Variants in GRIN2B observed in about 807,000 individuals in gnomAD.
GRIN2B encodes the protein glutamate receptor ionotropic, NMDA 2B.
In GRIN2B, 5 loss-of-function variants were observed where a neutral mutation model predicts 114.5. The ratio of observed to expected loss-of-function variants is 0.04; its 90% CI spans 0.02 to 0.09. The LOEUF (loss-of-function observed/expected upper bound fraction) is 0.09. Ranked by LOEUF, GRIN2B falls within the 10% of genes least tolerant of loss-of-function variation. GRIN2B has a pLI of 1.00. For missense variants in GRIN2B, 1,108 were observed against 1,943.5 expected (o/e 0.57, Z 8.08); for synonymous variants, 787 against 745.1 (o/e 1.06, Z -0.92).
intron 3 of GRIN2B, among the ~76,000 whole-genome samples, chr12:13,810,882 G>T (rs989329562): frequency 2.0e-5 from 3 of 152,326 alleles, no homozygotes; most frequent in Middle Eastern, 3.4e-3. Flanking sequence ...CAGAAAACCT[G>T]TCTTCTTCTC....
At chr12:13,811,317 G>GT (rs572186357) in intron 3 of GRIN2B, among the ~76,000 whole-genome samples, 33 of 152,090 alleles carry the variant, frequency 2.2e-4, no homozygotes, top group South Asian at 6.2e-4. Flanking sequence ...CCAGGTTTTG[G>GT]TTTTTTTTGG....
At chr12:13,710,484 C>T (rs1210997102) in intron 4 of GRIN2B, among the ~76,000 whole-genome samples, 8 of 152,040 alleles carry the variant, frequency 5.3e-5, no homozygotes, top group Non-Finnish European at 1.0e-4. Context: ...AAAACCCCAT[C>T]GTCTCAGCCC....
At chr12:13,891,461 C>A (rs541844612) in intron 2 of GRIN2B, among the ~76,000 whole-genome samples, 1 of 152,268 alleles carries the variant, frequency 6.6e-6, no homozygotes, top group East Asian at 1.9e-4. Context: ...TAGTGCATAT[C>A]TATAGATGTG....
chr12:13,751,299 A>C (rs1379015097), intron 4 of GRIN2B, among the ~76,000 whole-genome samples: 2 of 152,228 alleles, frequency 1.3e-5, no homozygotes, highest in East Asian at 3.8e-4. Context: ...AAAGCCTCTG[A>C]AAGGTATTAA....
intron 10 of GRIN2B, 104 bp downstream of exon 10, chr12:13,608,499 G>A (rs998138273): frequency 6.1e-5 from 48 of 792,546 alleles, no homozygotes; most frequent in African/African-American, 4.8e-4. Flanking sequence ...AAGAAAGAAC[G>A]GTCAATTCCA....
At chr12:13,601,518 A>T (rs1949160301) in intron 10 of GRIN2B, among the ~76,000 whole-genome samples, 1 of 145,034 alleles carries the variant, frequency 6.9e-6, no homozygotes, top group South Asian at 2.2e-4. Flanking sequence ...ATTTGCAAAG[A>T]TTTTTTTTTT....
intron 2 of GRIN2B, among the ~76,000 whole-genome samples, chr12:13,974,940 GA>G (rs891925897): frequency 7.3e-5 from 11 of 151,250 alleles, no homozygotes; most frequent in African/African-American, 2.4e-4. Context: ...GACATAAGAA[GA>G]AAAAAAAGAA....
chr12:13,722,573 A>G (rs1057317693), intron 4 of GRIN2B, among the ~76,000 whole-genome samples: 42 of 152,042 alleles, frequency 2.8e-4, no homozygotes, highest in African/African-American at 9.9e-4. Flanking sequence ...GAATAACTCA[A>G]TTTTCTCAAT....
chr12:13,859,654 G>C (rs766694905), intron 3 of GRIN2B, among the ~76,000 whole-genome samples: 1 of 152,130 alleles, frequency 6.6e-6, no homozygotes, highest in Non-Finnish European at 1.5e-5. Context: ...AAGTCTTAAA[G>C]TCAAGCATGT....
Position 13,840,183 on chromosome 12 carries a change from C to G in GRIN2B, c.411+25615G>C, listed in dbSNP as rs2300275. On this transcript the variant is annotated intron_variant, in intron 3 of 13. Coordinates refer to ENST00000609686, the MANE Select transcript of GRIN2B (RefSeq NM_000834.5). ...CCTGTGCCTCTCAGTTCTGCCCCAC[C>G]CAGCCCTCCATATCACTGGGGCCAA... is the stretch of plus-strand genomic sequence containing the variant. 5.8e-4 allele frequency among the ~76,000 whole-genome samples: 88 copies of G among 152,258 alleles called. No homozygotes were observed. In the East Asian group the frequency reaches 0.017, roughly 29 times the overall value.
chr12:13,840,729 T>C (rs10772712), intron 3 of GRIN2B, among the ~76,000 whole-genome samples: 47,482 of 152,042 alleles, frequency 0.31, 7,659 homozygotes, highest in Non-Finnish European at 0.33. Flanking sequence ...TGTTTCTTTA[T>C]TGATTGGTTC....
chr12:13,549,134 T>G lies in GRIN2B; in HGVS notation c.*13649A>C, dbSNP rs1948381351. ...AAAGATACTAAAATCTTTGGAAAGA[T>G]GGATTATATCCTGAGCTTGATATCA... On this transcript the variant is annotated 3_prime_UTR_variant, in exon 14 of 14. Coordinates refer to ENST00000609686, the MANE Select transcript of GRIN2B (RefSeq NM_000834.5). The G allele has an allele frequency of 6.6e-6, 1 of 152,226 alleles. No individual in the cohort carries two copies. Among genetic ancestry groups the G allele is most frequent in the Admixed American group, 6.5e-5 (1 of 15,286 alleles). The allele number at this position is 152,226 out of a possible 1,614,324, so 9.4% of individuals were successfully genotyped here.
At chr12:13,627,560 G>C (rs1949580562) in intron 5 of GRIN2B, among the ~76,000 whole-genome samples, 1 of 152,206 alleles carries the variant, frequency 6.6e-6, no homozygotes, top group Non-Finnish European at 1.5e-5. Flanking sequence ...CAAGAAGTAA[G>C]TTGGGTTGCA....
chr12:13,752,866 T>C (rs1863507691), intron 4 of GRIN2B, among the ~76,000 whole-genome samples: 2 of 152,356 alleles, frequency 1.3e-5, no homozygotes, highest in South Asian at 4.1e-4. Flanking sequence ...AGCGGACTGG[T>C]CCTCCCTTAT....
chr12:13,844,359 T>C lies in GRIN2B; in HGVS notation c.411+21439A>G, dbSNP rs150818158. On this transcript the variant is annotated intron_variant, in intron 3 of 13. Coordinates refer to ENST00000609686, the MANE Select transcript of GRIN2B (RefSeq NM_000834.5). ...ATAGCTGCCCAACCTTTCCAATCAA[T>C]GTCTAGGCCCTTAAGCATGCACTGT... Among the ~76,000 whole-genome samples, 33 of 152,332 alleles carry C rather than the reference T, an allele frequency of 2.2e-4. No individual in the cohort carries two copies. The East Asian group carries it at 4.8e-3, about 22-fold the overall frequency.
At chr12:13,607,425 TATATATA>T (rs1949294150) in intron 10 of GRIN2B, among the ~76,000 whole-genome samples, 1 of 76,818 alleles carries the variant, frequency 1.3e-5, no homozygotes, top group Non-Finnish European at 2.2e-5. Context: ...TAATATATAT[TATATATA>T]ATATATATTA....
At chr12:13,719,013 G>A (rs1480986307) in intron 4 of GRIN2B, among the ~76,000 whole-genome samples, 1 of 151,994 alleles carries the variant, frequency 6.6e-6, no homozygotes, top group Non-Finnish European at 1.5e-5. Flanking sequence ...GCATGGGTAA[G>A]AGGCCATCAT....
chr12:13,858,350 T>C (rs1289341720), intron 3 of GRIN2B, among the ~76,000 whole-genome samples: 1 of 152,220 alleles, frequency 6.6e-6, no homozygotes, highest in Non-Finnish European at 1.5e-5. Context: ...TTTATTGTAC[T>C]CAGAAAGGTA....
At chr12:13,955,039 A>G (rs957490144) in intron 2 of GRIN2B, among the ~76,000 whole-genome samples, 1 of 151,976 alleles carries the variant, frequency 6.6e-6, no homozygotes, top group South Asian at 2.1e-4. Context: ...AGCCTTCCCC[A>G]ATGTACCCAT....
Sources: allele counts gnomAD v4.1 joint callset (sites outside exome capture counted in the v4.1 genomes callset), GRCh38; gene constraint gnomAD v4.1.1; transcripts MANE v1.5; gene names NCBI Gene and HGNC (gene_info 2026-07-23, HGNC 2026-07-21).